Variants in SNAP25 observed in about 807,000 individuals in gnomAD.
SNAP25 encodes synaptosomal-associated protein 25.
In SNAP25, 3 loss-of-function variants were observed where a neutral mutation model predicts 28.7. The observed-to-expected ratio is 0.10, with a 90% CI of 0.05 to 0.27. SNAP25 has a LOEUF of 0.27. Among genes scored for constraint, SNAP25 ranks in the 10% least tolerant of loss-of-function variants. The probability of loss-of-function intolerance (pLI) is 1.00; values close to 1 mark genes in which losing one functional copy is unlikely to be tolerated. For missense variants in SNAP25, 117 were observed against 278.7 expected (o/e 0.42, Z 4.13); for synonymous variants, 61 against 88.1 (o/e 0.69, Z 1.72).
intron 1 of SNAP25, among the ~76,000 whole-genome samples, chr20:10,269,923 T>A (rs1440799416): frequency 6.6e-6 from 1 of 152,152 alleles, no homozygotes; most frequent in Admixed American, 6.5e-5. Flanking sequence ...AAGCCCCTGG[T>A]TAATGTAGCC....
chr20:10,236,784 A>G (rs1600657724), intron 1 of SNAP25, among the ~76,000 whole-genome samples: 1 of 151,676 alleles, frequency 6.6e-6, no homozygotes, highest in Non-Finnish European at 1.5e-5. Context: ...GGCACGGCTG[A>G]CTCACCCAGC....
At chr20:10,270,651 A>C (rs1025624945) in intron 1 of SNAP25, among the ~76,000 whole-genome samples, 3 of 152,024 alleles carry the variant, frequency 2.0e-5, no homozygotes, top group Admixed American at 2.0e-4. Context: ...GTGAGCTGAG[A>C]TGGCACCACT....
chr20:10,298,757 C>T (rs983591263), intron 6 of SNAP25, among the ~76,000 whole-genome samples: 8 of 152,158 alleles, frequency 5.3e-5, no homozygotes, highest in Admixed American at 2.6e-4. Flanking sequence ...CCATTGGTGT[C>T]AATCCCAAGT....
Position 10,271,971 on chromosome 20 carries a change from T to C in SNAP25, c.-63-3458T>C, listed in dbSNP as rs367969039. Among the ~76,000 whole-genome samples, 6 of 152,244 alleles carry C rather than the reference T, an allele frequency of 3.9e-5. No individual in the cohort carries two copies. The East Asian group carries it at 9.7e-4, about 25-fold the overall frequency. On this transcript the variant is annotated intron_variant, in intron 1 of 7. Transcript: ENST00000254976. The stretch of plus-strand genomic sequence containing the variant: ...TGGAGCGTGGGGCCAGAAGGCACTC[T>C]TGTTTGTCTCCTCGTGGTACTCCTG...
chr20:10,261,124 A>G (rs908365104), intron 1 of SNAP25, among the ~76,000 whole-genome samples: 3 of 152,168 alleles, frequency 2.0e-5, no homozygotes, highest in African/African-American at 7.2e-5. Context: ...TGCAGTAACC[A>G]GAGTCATGCT....
At chr20:10,235,268 T>C (rs73254501) in intron 1 of SNAP25, among the ~76,000 whole-genome samples, 21,756 of 152,066 alleles carry the variant, frequency 0.14, 2,946 homozygotes, top group African/African-American at 0.36. Context: ...AATAAATACA[T>C]GGGGACTATA....
chr20:10,300,129 T>G (rs1312743326), intron 7 of SNAP25, among the ~76,000 whole-genome samples: 2 of 151,726 alleles, frequency 1.3e-5, no homozygotes, highest in African/African-American at 4.8e-5. Flanking sequence ...CAGACTTGGC[T>G]CTAAGATCCA....
chr20:10,220,057 G>C (rs1343644117), intron 1 of SNAP25, among the ~76,000 whole-genome samples: 1 of 152,182 alleles, frequency 6.6e-6, no homozygotes, highest in Non-Finnish European at 1.5e-5. Context: ...TTTTAACACA[G>C]AGTAGATCTG....
chr20:10,294,162 C>T (rs1201101560), intron 5 of SNAP25, among the ~76,000 whole-genome samples: 2 of 152,178 alleles, frequency 1.3e-5, no homozygotes, highest in Non-Finnish European at 2.9e-5. Context: ...CTTATCCAAT[C>T]TCCCTCACCC....
At chr20:10,289,624 T>G (rs547483338) in intron 4 of SNAP25, among the ~76,000 whole-genome samples, 19 of 150,960 alleles carry the variant, frequency 1.3e-4, no homozygotes, top group Non-Finnish European at 2.5e-4. Context: ...TATTTAAATT[T>G]AAATAAATTT....
At chr20:10,304,500 A>C (rs1208155636) in intron 7 of SNAP25, among the ~76,000 whole-genome samples, 5 of 152,242 alleles carry the variant, frequency 3.3e-5, no homozygotes, top group Non-Finnish European at 7.3e-5. Context: ...ATGATAAAGT[A>C]AGCTGGAGAA....
intron 5 of SNAP25, among the ~76,000 whole-genome samples, chr20:10,294,791 GA>G (rs34820075): frequency 0.16 from 19,691 of 121,838 alleles, 1,366 homozygotes; most frequent in Admixed American, 0.24. Context: ...TAATTCATCA[GA>G]AAAAAAAAAA....
chr20:10,276,139 A>T (rs1600734718), intron 2 of SNAP25, among the ~76,000 whole-genome samples: 1 of 152,222 alleles, frequency 6.6e-6, no homozygotes, highest in East Asian at 1.9e-4. Context: ...ATGATCAGTA[A>T]TATGAAGTTG....
chr20:10,301,502 A>G (rs2064234791), intron 7 of SNAP25, among the ~76,000 whole-genome samples: 1 of 152,214 alleles, frequency 6.6e-6, no homozygotes, highest in Non-Finnish European at 1.5e-5. Context: ...TGAACTGCAC[A>G]ATTATTAATA....
intron 1 of SNAP25, among the ~76,000 whole-genome samples, chr20:10,264,166 AG>A (rs1238460864): frequency 1.3e-5 from 2 of 152,070 alleles, no homozygotes; most frequent in African/African-American, 4.8e-5. Flanking sequence ...CCCCAGACCC[AG>A]CACCCTAAAA....
intron 7 of SNAP25, among the ~76,000 whole-genome samples, chr20:10,302,919 A>G (rs1487113714): frequency 6.6e-6 from 1 of 152,102 alleles, no homozygotes. Flanking sequence ...CTCATTGAAC[A>G]TAAGTCTGTT....
intron 5 of SNAP25, among the ~76,000 whole-genome samples, chr20:10,295,857 T>C (rs1352911234): frequency 6.6e-6 from 1 of 152,202 alleles, no homozygotes; most frequent in African/African-American, 2.4e-5. Flanking sequence ...TATGCCTGGA[T>C]TTTAAGTCTT....
intron 1 of SNAP25, among the ~76,000 whole-genome samples, chr20:10,241,590 C>G (rs544478738): frequency 6.6e-6 from 1 of 151,932 alleles, no homozygotes; most frequent in Non-Finnish European, 1.5e-5. Flanking sequence ...GTGAGGTGGT[C>G]GAGAGAGACG....
intron 3 of SNAP25, among the ~76,000 whole-genome samples, chr20:10,278,417 C>A (rs567991156): frequency 3.3e-5 from 5 of 152,256 alleles, no homozygotes; most frequent in Admixed American, 1.3e-4. Flanking sequence ...AATCATAAAC[C>A]TCACTCATTC....
Sources: gnomAD v4.1 joint callset for allele counts (sites outside exome capture counted in the v4.1 genomes callset) on GRCh38, gnomAD v4.1.1 for gene constraint, MANE v1.5 for transcripts, NCBI Gene and HGNC (gene_info 2026-07-23, HGNC 2026-07-21) for gene names.